The following PPM1L variants were observed in gnomAD, a reference collection of about 807,000 sequenced individuals.
The protein encoded by PPM1L is protein phosphatase 1L.
In PPM1L, 13 loss-of-function variants were observed where a neutral mutation model predicts 31.4. The ratio of observed to expected loss-of-function variants is 0.41; its 90% CI spans 0.27 to 0.66. The LOEUF is 0.66. Ranked by LOEUF, PPM1L falls within the 30% of genes least tolerant of loss-of-function variation. PPM1L has a pLI of 0.29. For synonymous variants in PPM1L, 184 were observed against 175.4 expected (o/e 1.05, Z -0.39); for missense variants, 326 against 453.7 (o/e 0.72, Z 2.56).
At chr3:160,979,158 G>A (rs1022397540) in intron 2 of PPM1L, among the ~76,000 whole-genome samples, 7 of 151,994 alleles carry the variant, frequency 4.6e-5, no homozygotes, top group Non-Finnish European at 1.0e-4. Context: ...AAATACCTGG[G>A]CCCTTCAACC....
At chr3:160,832,652 G>C (rs931385433) in intron 1 of PPM1L, among the ~76,000 whole-genome samples, 4 of 152,188 alleles carry the variant, frequency 2.6e-5, no homozygotes, top group East Asian at 1.9e-4. Flanking sequence ...CAGTGATAAC[G>C]TTCTGAATAA....
At chr3:160,757,141 T>C (rs960925741) in intron 1 of PPM1L, among the ~76,000 whole-genome samples, 5 of 152,206 alleles carry the variant, frequency 3.3e-5, no homozygotes, top group Non-Finnish European at 5.9e-5. Flanking sequence ...TTATGCTTCA[T>C]TAGGCAAACA....
At chr3:160,960,144 G>A (rs1715905151) in intron 1 of PPM1L, among the ~76,000 whole-genome samples, 1 of 150,530 alleles carries the variant, frequency 6.6e-6, no homozygotes, top group South Asian at 2.1e-4. Flanking sequence ...TGATTAGCGT[G>A]TATCATATAT....
At chr3:160,874,691 A>T (rs1250421557) in intron 1 of PPM1L, among the ~76,000 whole-genome samples, 1 of 152,210 alleles carries the variant, frequency 6.6e-6, no homozygotes, top group Non-Finnish European at 1.5e-5. Flanking sequence ...TGTAGAATTA[A>T]TAATGATGTG....
chr3:160,835,085 CTTTCTTTTTTCT>C lies in PPM1L; in HGVS notation c.399+78381_399+78392del, dbSNP rs1487454928. 1.7e-3 allele frequency among the ~76,000 whole-genome samples: 197 copies of C among 117,908 alleles called. 1 individual carries two copies. Among genetic ancestry groups the C allele is most frequent in the African/African-American group, 6.8e-3 (184 of 26,882 alleles). The allele number at this position is 117,908 out of a possible 152,430, so 77.4% of individuals were successfully genotyped here. A position where few individuals can be genotyped will look rare whatever the true frequency, so the allele number is the denominator to read the frequency against. On this transcript the variant is annotated intron_variant, in intron 1 of 3. Coordinates refer to ENST00000498165, the MANE Select transcript of PPM1L (RefSeq NM_139245.4). Reference sequence around the variant, plus strand: ...TCTTCTTCTTCTTCTTCTTCTTCTTCTTTCTTTTTTCTTTCTTCTTTCTTCCTTCTTCTTTCT... The same window carrying C: ...TCTTCTTCTTCTTCTTCTTCTTCTTCTTCTTCTTTCTTCCTTCTTCTTTCT...
intron 2 of PPM1L, among the ~76,000 whole-genome samples, chr3:161,052,730 CTAA>C (rs1455614202): frequency 6.6e-6 from 1 of 152,088 alleles, no homozygotes; most frequent in East Asian, 1.9e-4. Context: ...TAAGGATAAC[CTAA>C]TAATATCAAA....
At chr3:160,851,013 C>A (rs13093596) in intron 1 of PPM1L, among the ~76,000 whole-genome samples, 2 of 152,136 alleles carry the variant, frequency 1.3e-5, no homozygotes, top group South Asian at 4.2e-4. Context: ...CCAGCACTCT[C>A]TAAAAGACAT....
intron 2 of PPM1L, among the ~76,000 whole-genome samples, chr3:161,036,991 C>A (rs1487538845): frequency 1.3e-5 from 2 of 152,146 alleles, no homozygotes; most frequent in African/African-American, 4.8e-5. Context: ...TTAAAAAAAT[C>A]TTTGATAATT....
chr3:160,935,961 A>G (rs1231031703), intron 1 of PPM1L, among the ~76,000 whole-genome samples: 2 of 152,184 alleles, frequency 1.3e-5, no homozygotes, highest in Non-Finnish European at 2.9e-5. Context: ...TGCAGAAGAA[A>G]CACATCTGGA....
intron 1 of PPM1L, among the ~76,000 whole-genome samples, chr3:160,850,892 G>GGA (rs2108112943): frequency 6.7e-6 from 1 of 149,650 alleles, no homozygotes; most frequent in African/African-American, 2.5e-5. Flanking sequence ...GGTGGGGGGG[G>GGA]GGTCATTATT....
At position 160,933,600 on chromosome 3, in the gene PPM1L, G is replaced by A. The variant is rs9917833; in HGVS notation, c.400-28136G>A. 4.1e-3 allele frequency among the ~76,000 whole-genome samples: 628 copies of A among 152,202 alleles called. 7 individuals carry two copies. Among genetic ancestry groups the A allele is most frequent in the African/African-American group, 0.014 (596 of 41,546 alleles). ...AATGGGAGACATGGGAGCTAGGGAA[G>A]TTGGTGGGTAATAAGCCACAGCTGA... On this transcript the variant is annotated intron_variant, in intron 1 of 3. Coordinates refer to ENST00000498165, the MANE Select transcript of PPM1L (RefSeq NM_139245.4).
intron 2 of PPM1L, among the ~76,000 whole-genome samples, chr3:161,041,007 C>T (rs148813511): frequency 1.7e-3 from 252 of 152,284 alleles, no homozygotes; most frequent in African/African-American, 5.8e-3. Context: ...AAAGAGGTTA[C>T]CTAAGAGTCT....
intron 1 of PPM1L, among the ~76,000 whole-genome samples, chr3:160,937,663 G>A (rs1021029324): frequency 6.6e-6 from 1 of 152,014 alleles, no homozygotes. Context: ...AAACATGTAA[G>A]AGAAATCTTT....
chr3:160,823,368 ATT>A (rs199918303), intron 1 of PPM1L, among the ~76,000 whole-genome samples: 43,422 of 142,050 alleles, frequency 0.31, 6,388 homozygotes, highest in East Asian at 0.53. Flanking sequence ...TGTATAAATG[ATT>A]TTTTTTTTTT....
intron 1 of PPM1L, among the ~76,000 whole-genome samples, chr3:160,857,106 T>C (rs1711735096): frequency 6.6e-6 from 1 of 152,202 alleles, no homozygotes; most frequent in Admixed American, 6.5e-5. Flanking sequence ...AAGTTAATAT[T>C]CTTGATGTTA....
intron 1 of PPM1L, chr3:160,882,282 A>G (rs1410550584): frequency 6.6e-6 from 1 of 152,188 alleles, no homozygotes; most frequent in Non-Finnish European, 1.5e-5. Flanking sequence ...TTTCTGGATT[A>G]TCTAGAACCT....
intron 1 of PPM1L, among the ~76,000 whole-genome samples, chr3:160,927,001 C>G (rs544298292): frequency 6.6e-6 from 1 of 152,262 alleles, no homozygotes; most frequent in East Asian, 1.9e-4. Flanking sequence ...TTCCATTTTG[C>G]AGATGAATCA....
chr3:160,970,601 A>G (rs200067846), intron 2 of PPM1L, among the ~76,000 whole-genome samples: 2 of 148,854 alleles, frequency 1.3e-5, no homozygotes, highest in African/African-American at 4.9e-5. Context: ...AGGCATGTGC[A>G]ACCACGCCCA....
chr3:160,974,196 T>A (rs1187323223), intron 2 of PPM1L, among the ~76,000 whole-genome samples: 1 of 151,926 alleles, frequency 6.6e-6, no homozygotes, highest in Non-Finnish European at 1.5e-5. Flanking sequence ...ACAAAGGACA[T>A]GAACTCAACA....
Sources: gnomAD v4.1 joint callset for allele counts (sites outside exome capture counted in the v4.1 genomes callset) on GRCh38, gnomAD v4.1.1 for gene constraint, MANE v1.5 for transcripts, NCBI Gene and HGNC (gene_info 2026-07-23, HGNC 2026-07-21) for gene names.